The following DDX4 variants were observed in gnomAD, a reference collection of about 807,000 sequenced individuals.
DDX4 encodes DEAD-box helicase 4.
A neutral mutation model predicts 100.0 loss-of-function variants in DDX4; 25 were observed. The observed-to-expected ratio is 0.25, with a 90% CI of 0.18 to 0.35. The LOEUF (loss-of-function observed/expected upper bound fraction) is 0.35. DDX4 is among the 10% of genes least tolerant of loss of function. The pLI is 1.00. For synonymous variants in DDX4, 259 were observed against 275.7 expected (o/e 0.94, Z 0.60); for missense variants, 635 against 882.4 (o/e 0.72, Z 3.55).
chr5:55,791,614 A>C lies in DDX4; in HGVS notation c.1302+909A>C, dbSNP rs374131632. On this transcript the variant is annotated intron_variant, in intron 16 of 21. Transcript: ENST00000505374. ...CAGTTAGAAGATATTTGAATATGTC[A>C]TGCTGTTAGGATATTTTCTTTCTTA... 2.6e-5 allele frequency among the ~76,000 whole-genome samples: 4 copies of C among 152,232 alleles called. No individual in the cohort carries two copies. The East Asian group carries it at 7.7e-4, about 29-fold the overall frequency.
chr5:55,747,704 C>T (rs752018960), intron 3 of DDX4, among the ~76,000 whole-genome samples: 15 of 152,322 alleles, frequency 9.8e-5, no homozygotes, highest in Non-Finnish European at 1.6e-4. Context: ...CAAACTGGAA[C>T]TCTGTACTCA....
intron 18 of DDX4, among the ~76,000 whole-genome samples, chr5:55,808,526 C>A (rs1743899305): frequency 6.6e-6 from 1 of 152,210 alleles, no homozygotes; most frequent in African/African-American, 2.4e-5. Flanking sequence ...TGTTAGTTTT[C>A]CTTCTAACAG....
intron 16 of DDX4, among the ~76,000 whole-genome samples, chr5:55,791,966 A>G (rs1742590675): frequency 6.6e-6 from 1 of 151,860 alleles, no homozygotes; most frequent in Non-Finnish European, 1.5e-5. Context: ...ACACACACAC[A>G]CACAAAAATT....
At position 55,790,642 on chromosome 5, in the gene DDX4, A is replaced by G; in HGVS notation, c.1239A>G (p.Val413=). 6.2e-7 allele frequency: 1 copy of G among 1,608,566 alleles called. No homozygotes were observed. Among genetic ancestry groups the G allele is most frequent in the Non-Finnish European group, 8.5e-7 (1 of 1,174,994 alleles). ...TQLGHSIRQI[V]QGCNILCATP... is the part of the protein sequence containing the mutation. The stretch of plus-strand genomic sequence containing the variant: ...TGGGACATTCAATTCGACAAATAGT[A>G]CAAGGCTGTAATATATTATGTGCTA... Residue 413 remains valine, a synonymous_variant, in exon 16 of 22, where the codon GTA becomes GTG. Coordinates refer to ENST00000505374, the MANE Select transcript of DDX4 (RefSeq NM_024415.3).
At chr5:55,765,058 T>C (rs192696565) in intron 6 of DDX4, among the ~76,000 whole-genome samples, 1 of 152,288 alleles carries the variant, frequency 6.6e-6, no homozygotes, top group East Asian at 1.9e-4. Context: ...TGCCAGTCTC[T>C]TTCTCCCTAC....
intron 15 of DDX4, among the ~76,000 whole-genome samples, chr5:55,789,288 G>C (rs1742414811): frequency 6.6e-6 from 1 of 152,112 alleles, no homozygotes. Context: ...AACATTTACT[G>C]TCTCACCATT....
At chr5:55,770,848 G>A (rs1403214782) in intron 7 of DDX4, among the ~76,000 whole-genome samples, 2 of 152,256 alleles carry the variant, frequency 1.3e-5, no homozygotes, top group Non-Finnish European at 2.9e-5. Context: ...GGCACTTAAT[G>A]TTCCTAAAAC....
At chr5:55,752,481 A>G (rs1244536769) in intron 3 of DDX4, among the ~76,000 whole-genome samples, 3 of 146,866 alleles carry the variant, frequency 2.0e-5, no homozygotes, top group Non-Finnish European at 3.0e-5. Flanking sequence ...ATGATTTCCA[A>G]TTTCATCCAT....
chr5:55,785,779 A>G lies in DDX4; in HGVS notation c.772A>G (p.Ile258Val), dbSNP rs767241534. Residue 258 changes from isoleucine to valine, a missense_variant, in exon 13 of 22, where the codon ATC (isoleucine) becomes GTC (valine). Coordinates refer to ENST00000505374, the MANE Select transcript of DDX4 (RefSeq NM_024415.3). ...TCCTCCACCTGAGGATGAGGACTCC[A>G]TCTTTGCACATTATCAGACAGGCAT... ...PPPPPEDEDS[I>V]FAHYQTGINF... 4 of 1,611,066 alleles carry G rather than the reference A, an allele frequency of 2.5e-6. No homozygotes were observed. The highest frequency in any genetic ancestry group is 2.2e-5 in the East Asian group (1 of 44,858).
At chr5:55,770,220 CT>C (rs1310703340) in intron 7 of DDX4, among the ~76,000 whole-genome samples, 3 of 151,908 alleles carry the variant, frequency 2.0e-5, no homozygotes, top group African/African-American at 4.8e-5. Context: ...TTTTTCCCCC[CT>C]ATGATCTCCA....
intron 18 of DDX4, among the ~76,000 whole-genome samples, chr5:55,802,420 C>G (rs1743373470): frequency 6.6e-6 from 1 of 152,126 alleles, no homozygotes; most frequent in African/African-American, 2.4e-5. Flanking sequence ...ATAATATTAA[C>G]AGTATTGCAA....
At chr5:55,790,809 TTA>T (rs1233793704) in intron 16 of DDX4, 104 bp downstream of exon 16, 3 of 973,682 alleles carry the variant, frequency 3.1e-6, no homozygotes, top group Non-Finnish European at 4.8e-6. Flanking sequence ...AGAGCACTAT[TTA>T]TGTGTTAGCC....
chr5:55,781,957 A>G lies in DDX4; in HGVS notation c.601A>G (p.Arg201Gly), dbSNP rs747000246. The G allele has an allele frequency of 4.3e-6, 7 of 1,613,990 alleles. No individual in the cohort carries two copies. In the South Asian group the frequency reaches 7.7e-5, roughly 18 times the overall value. Residue 201 changes from arginine (R) to glycine (G), a missense_variant, in exon 10 of 22, where the codon AGA (arginine) becomes GGA (glycine). Transcript: ENST00000505374. The part of the protein sequence containing the change: ...GTGNGDTSQS[R>G]SGSGSERGGY... ...AGGTAATGGTGATACTTCTCAAAGC[A>G]GAAGTGGCAGTGGAAGTGAACGAGG...
chr5:55,814,767 G>A, intron 19 of DDX4, 134 bp from the exon 20 acceptor site: 1 of 910,820 alleles, frequency 1.1e-6, no homozygotes. Flanking sequence ...TGGGGTTACA[G>A]GTGTGAGCCA....
chr5:55,762,458 A>G (rs1036984126), intron 4 of DDX4, among the ~76,000 whole-genome samples: 1 of 152,168 alleles, frequency 6.6e-6, no homozygotes, highest in Non-Finnish European at 1.5e-5. Context: ...ACTTCACATA[A>G]TTGGTTTTTT....
chr5:55,809,811 A>G (rs1744005011), intron 18 of DDX4, among the ~76,000 whole-genome samples: 1 of 152,246 alleles, frequency 6.6e-6, no homozygotes, highest in Admixed American at 6.5e-5. Context: ...GTTAGATTCA[A>G]GTTAGGAAAG....
At chr5:55,767,173 C>T (rs1277073860) in intron 6 of DDX4, among the ~76,000 whole-genome samples, 3 of 152,204 alleles carry the variant, frequency 2.0e-5, no homozygotes, top group African/African-American at 7.2e-5. Flanking sequence ...GGTGTAGTGG[C>T]TCACGCCTGT....
In DDX4 at chr5:55,793,054, GTT is replaced by G. The variant is rs1491254996; in HGVS notation, c.1469+249_1469+250del. Among the ~76,000 whole-genome samples, 98 of 146,536 alleles carry G rather than the reference GTT, an allele frequency of 6.7e-4. 1 individual carries two copies. Among genetic ancestry groups the G allele is most frequent in the East Asian group, 2.4e-3 (11 of 4,654 alleles). ...TGTGTGTGTGTGTGTGTGTGTGTGT[GTT>G]TGTGTGTGTTGTTGTTGTTGTTGCA... On this transcript the variant is annotated intron_variant, in intron 17 of 21. Transcript: ENST00000505374.
At chr5:55,774,241 T>G (rs1741427556) in intron 7 of DDX4, among the ~76,000 whole-genome samples, 1 of 151,932 alleles carries the variant, frequency 6.6e-6, no homozygotes, top group Non-Finnish European at 1.5e-5. Context: ...AGCTTCAACT[T>G]CCTGGTCTCA....
Sources: allele counts gnomAD v4.1 joint callset (sites outside exome capture counted in the v4.1 genomes callset), GRCh38; gene constraint gnomAD v4.1.1; transcripts MANE v1.5; gene names NCBI Gene and HGNC (gene_info 2026-07-23, HGNC 2026-07-21).